MSI2: variants seen among roughly 807,000 people sequenced by gnomAD.
MSI2 encodes the protein RNA-binding protein Musashi homolog 2.
In MSI2, 17 loss-of-function variants were observed where a neutral mutation model predicts 45.6. The ratio of observed to expected loss-of-function variants is 0.37; its 90% CI spans 0.26 to 0.56. The LOEUF (loss-of-function observed/expected upper bound fraction) is 0.56. MSI2 is among the 20% of genes least tolerant of loss of function. The pLI is 0.77. For synonymous variants in MSI2, 156 were observed against 158.2 expected (o/e 0.99, Z 0.11); for missense variants, 293 against 444.2 (o/e 0.66, Z 3.06).
chr17:57,460,416 G>T (rs1319350390), intron 6 of MSI2, among the ~76,000 whole-genome samples: 1 of 151,864 alleles, frequency 6.6e-6, no homozygotes, highest in Non-Finnish European at 1.5e-5. Flanking sequence ...AAGATTTGAT[G>T]GGCAAAATCC....
intron 11 of MSI2, among the ~76,000 whole-genome samples, chr17:57,663,188 C>T (rs867458368): frequency 6.6e-6 from 1 of 152,140 alleles, no homozygotes; most frequent in Admixed American, 6.5e-5. Context: ...GGGGCGGGGC[C>T]AAGGCGGGAG....
chr17:57,644,556 C>T (rs1312582500), intron 10 of MSI2, among the ~76,000 whole-genome samples: 3 of 152,076 alleles, frequency 2.0e-5, no homozygotes, highest in Non-Finnish European at 2.9e-5. Context: ...TCCAAACTCT[C>T]GTAGGACATG....
chr17:57,632,645 C>A (rs1328155242), intron 10 of MSI2: 2 of 1,066,026 alleles, frequency 1.9e-6, no homozygotes, highest in Admixed American at 1.1e-4. Context: ...GCCCATCACC[C>A]TTAGAAGGAT....
At chr17:57,380,630 C>G (rs977072210) in intron 5 of MSI2, among the ~76,000 whole-genome samples, 17 of 152,112 alleles carry the variant, frequency 1.1e-4, no homozygotes, top group Non-Finnish European at 1.6e-4. Context: ...TCCTTCAGCC[C>G]CCTACCCCCA....
At chr17:57,291,107 C>A (rs1910382295) in intron 5 of MSI2, among the ~76,000 whole-genome samples, 2 of 152,190 alleles carry the variant, frequency 1.3e-5, no homozygotes, top group Non-Finnish European at 2.9e-5. Flanking sequence ...ATCCCATACT[C>A]AATTCTGCCG....
At chr17:57,522,038 A>C (rs1286640920) in intron 6 of MSI2, among the ~76,000 whole-genome samples, 1 of 152,172 alleles carries the variant, frequency 6.6e-6, no homozygotes, top group Non-Finnish European at 1.5e-5. Context: ...GGTTTTGCCT[A>C]AGCTGGCAGG....
chr17:57,380,746 T>C (rs777533719), intron 5 of MSI2, among the ~76,000 whole-genome samples: 2 of 152,216 alleles, frequency 1.3e-5, no homozygotes, highest in Non-Finnish European at 2.9e-5. Context: ...TGGACATCTG[T>C]TACTCTTCCA....
At chr17:57,414,394 T>A (rs919943095) in intron 6 of MSI2, among the ~76,000 whole-genome samples, 6 of 125,622 alleles carry the variant, frequency 4.8e-5, no homozygotes, top group African/African-American at 2.0e-4. Flanking sequence ...AAATTAGGAT[T>A]TTTTTTTTTT....
At chr17:57,533,982 G>A (rs1218675738) in intron 7 of MSI2, among the ~76,000 whole-genome samples, 1 of 152,230 alleles carries the variant, frequency 6.6e-6, no homozygotes, top group Non-Finnish European at 1.5e-5. Flanking sequence ...ATGGTGTGTG[G>A]AGTTCTGTTG....
chr17:57,276,377 T>C (rs1399444439), intron 5 of MSI2, among the ~76,000 whole-genome samples: 3 of 152,256 alleles, frequency 2.0e-5, no homozygotes, highest in Non-Finnish European at 4.4e-5. Flanking sequence ...TCCAAGGTTT[T>C]CTGAGCATGA....
rs5821192 is a variant in MSI2, at chr17:57,583,488, CTT to C, written c.455-13362_455-13361del. ...TACTTTTTTCCTTCTCCCAATGTTT[CTT>C]TTTTTTTTTTTTTTTTTGAGACAGG... is the stretch of plus-strand genomic sequence containing the variant. On this transcript the variant is annotated intron_variant, in intron 7 of 13. Coordinates refer to ENST00000284073, the MANE Select transcript of MSI2 (RefSeq NM_138962.4). Among the ~76,000 whole-genome samples the C allele has an allele frequency of 2.8e-3, 272 of 98,008 alleles. 1 individual carries two copies. The highest frequency in any genetic ancestry group is 5.9e-3 in the South Asian group (16 of 2,724). 64.3% of individuals were successfully genotyped at this position (98,008 alleles called of 152,430 possible).
At chr17:57,697,472 C>T in the MSI2 span, among the ~76,000 whole-genome samples, 1 of 152,120 alleles carries the variant, frequency 6.6e-6, no homozygotes, top group Non-Finnish European at 1.5e-5. Flanking sequence ...TCACACTTAT[C>T]CTGCCATTCC....
At chr17:57,670,480 C>A (rs1912699001) in intron 11 of MSI2, among the ~76,000 whole-genome samples, 1 of 152,216 alleles carries the variant, frequency 6.6e-6, no homozygotes, top group Non-Finnish European at 1.5e-5. Flanking sequence ...GTTAAGATCT[C>A]CAGGATAAGA....
At chr17:57,293,595 G>GTTTTTTTTTTTTTTTTTTTTTTTTTTTT (rs71139983) in intron 5 of MSI2, among the ~76,000 whole-genome samples, 9 of 134,718 alleles carry the variant, frequency 6.7e-5, no homozygotes, top group Non-Finnish European at 1.2e-4. Flanking sequence ...TTGTTTTTTT[G>GTTTTTTTTTTTTTTTTTTTTTTTTTTTT]TTTTTTTTTT....
chr17:57,507,239 G>C lies in MSI2; in HGVS notation c.406-22437G>C, dbSNP rs1490734569. On this transcript the variant is annotated intron_variant, in intron 6 of 13. Transcript: ENST00000284073. ...TCTTTGTCTCTCTGTGTGTGTGTGT[G>C]TGTGTGTGTGTGTGTGTGTGTGTGT... Among the ~76,000 whole-genome samples, 94 of 106,150 alleles carry C rather than the reference G, an allele frequency of 8.9e-4. 2 individuals are homozygous for C. The highest frequency in any genetic ancestry group is 3.2e-3 in the African/African-American group (74 of 22,886). 69.6% of individuals were successfully genotyped at this position (106,150 alleles called of 152,430 possible).
intron 5 of MSI2, among the ~76,000 whole-genome samples, chr17:57,395,260 C>T (rs1343179166): frequency 6.6e-6 from 1 of 152,228 alleles, no homozygotes; most frequent in Non-Finnish European, 1.5e-5. Context: ...TCTGTAAAGA[C>T]CCTGTTTCCA....
chr17:57,469,088 C>G (rs2085385842), intron 6 of MSI2, among the ~76,000 whole-genome samples: 1 of 152,170 alleles, frequency 6.6e-6, no homozygotes. Flanking sequence ...GTAAAAGCCT[C>G]AGGAGACCAT....
chr17:57,270,702 A>G (rs1908276420), intron 5 of MSI2, among the ~76,000 whole-genome samples: 1 of 152,206 alleles, frequency 6.6e-6, no homozygotes, highest in South Asian at 2.1e-4. Context: ...GAGCTACTGC[A>G]TATGAATGGC....
chr17:57,573,892 C>T (rs1708518306), intron 7 of MSI2, among the ~76,000 whole-genome samples: 1 of 152,180 alleles, frequency 6.6e-6, no homozygotes, highest in Admixed American at 6.5e-5. Flanking sequence ...AGGGCGAGGG[C>T]AGGCTAGAAG....
Sources: allele counts gnomAD v4.1 joint callset (sites outside exome capture counted in the v4.1 genomes callset), GRCh38; gene constraint gnomAD v4.1.1; transcripts MANE v1.5; gene names NCBI Gene and HGNC (gene_info 2026-07-23, HGNC 2026-07-21).